ARHGAP15: variants seen among roughly 807,000 people sequenced by gnomAD.
ARHGAP15 encodes the protein Rho GTPase activating protein 15, also known as rho GTPase-activating protein 15.
ARHGAP15 carries 51 observed loss-of-function variants against 63.7 expected under a neutral mutation model. That is an observed-to-expected ratio of 0.80 (90% CI 0.64 to 1.01). The LOEUF (loss-of-function observed/expected upper bound fraction) is 1.01. Among genes scored for constraint, ARHGAP15 ranks in the 50% least tolerant of loss-of-function variants. The pLI is 0.00. For synonymous variants in ARHGAP15, 191 were observed against 193.8 expected, an observed-to-expected ratio of 0.99 and a Z score of 0.12; for missense variants, 560 against 564.6, an observed-to-expected ratio of 0.99 and a Z score of 0.08.
At chr2:143,367,714 A>G (rs1686355936) in intron 6 of ARHGAP15, among the ~76,000 whole-genome samples, 2 of 151,838 alleles carry the variant, frequency 1.3e-5, no homozygotes, top group African/African-American at 2.4e-5. Context: ...ATATCCCTTC[A>G]TATCTGTAAT....
Position 143,609,690 on chromosome 2 carries a change from C to G in ARHGAP15, c.1004-14443C>G, listed in dbSNP as rs79244736. On this transcript the variant is annotated intron_variant, in intron 11 of 13. Transcript: ENST00000295095. ...GTTTGTAATCTTCTCTTTGCCCCCCCACCTCATACCCATTCTCCACTCTTC... is the reference window on the plus strand; with the variant it reads ...GTTTGTAATCTTCTCTTTGCCCCCCGACCTCATACCCATTCTCCACTCTTC... Among the ~76,000 whole-genome samples the G allele has an allele frequency of 5.4e-3, 819 of 152,234 alleles. 7 individuals carry two copies. The highest frequency in any genetic ancestry group is 0.048 in the East Asian group (249 of 5,180).
chr2:143,262,284 C>G (rs13427809), intron 6 of ARHGAP15, among the ~76,000 whole-genome samples: 2 of 152,066 alleles, frequency 1.3e-5, no homozygotes, highest in Admixed American at 1.3e-4. Flanking sequence ...TAATCTGTTG[C>G]CATGTCTTCA....
chr2:143,750,609 C>G (rs1686336150), intron 13 of ARHGAP15, among the ~76,000 whole-genome samples: 3 of 152,120 alleles, frequency 2.0e-5, no homozygotes, highest in Admixed American at 2.0e-4. Flanking sequence ...CAGTCAGTAC[C>G]TATAGAACTA....
At chr2:143,681,073 T>C (rs570434788) in intron 12 of ARHGAP15, among the ~76,000 whole-genome samples, 2 of 152,296 alleles carry the variant, frequency 1.3e-5, no homozygotes, top group East Asian at 3.9e-4. Context: ...TGCACACCTT[T>C]CGAAGGAGCA....
intron 11 of ARHGAP15, among the ~76,000 whole-genome samples, chr2:143,564,583 G>C (rs1696148141): frequency 6.6e-6 from 1 of 152,124 alleles, no homozygotes; most frequent in Non-Finnish European, 1.5e-5. Flanking sequence ...CTGGCTCTCT[G>C]GTGGAGACAT....
chr2:143,588,990 G>A (rs1377402449), intron 11 of ARHGAP15, among the ~76,000 whole-genome samples: 1 of 151,962 alleles, frequency 6.6e-6, no homozygotes, highest in African/African-American at 2.4e-5. Context: ...CTTCCCTTTT[G>A]CTGATTCCTC....
intron 12 of ARHGAP15, among the ~76,000 whole-genome samples, chr2:143,655,262 C>T (rs1681377000): frequency 1.3e-5 from 2 of 151,954 alleles, no homozygotes; most frequent in Admixed American, 1.3e-4. Context: ...TCCCTCGACC[C>T]CCTCCCACTC....
intron 5 of ARHGAP15, among the ~76,000 whole-genome samples, chr2:143,232,227 A>G (rs1375299091): frequency 6.6e-6 from 1 of 152,216 alleles, no homozygotes; most frequent in East Asian, 1.9e-4. Context: ...TACTATCATC[A>G]GCATTTTATA....
chr2:143,378,780 G>A (rs935580258), intron 6 of ARHGAP15, among the ~76,000 whole-genome samples: 6 of 152,096 alleles, frequency 3.9e-5, no homozygotes, highest in Admixed American at 3.3e-4. Context: ...GGAAAATGGA[G>A]AAGTCAAAGA....
chr2:143,573,013 A>G (rs903213228), intron 11 of ARHGAP15, among the ~76,000 whole-genome samples: 1 of 152,140 alleles, frequency 6.6e-6, no homozygotes, highest in Non-Finnish European at 1.5e-5. Flanking sequence ...TCTTTATTCC[A>G]TCTTGTGTGT....
intron 6 of ARHGAP15, among the ~76,000 whole-genome samples, chr2:143,262,454 C>G (rs78109265): frequency 6.6e-6 from 1 of 151,734 alleles, no homozygotes; most frequent in Non-Finnish European, 1.5e-5. Flanking sequence ...TTTCCTCATC[C>G]TCAGCCAGGA....
intron 6 of ARHGAP15, among the ~76,000 whole-genome samples, chr2:143,416,379 AGGTCCTGGGG>A (rs1392456909): frequency 1.3e-5 from 2 of 152,198 alleles, no homozygotes; most frequent in African/African-American, 4.8e-5. Context: ...ACTGAATTAA[AGGTCCTGGGG>A]ACCCTGCAAG....
chr2:143,312,726 T>C (rs1252891851), intron 6 of ARHGAP15, among the ~76,000 whole-genome samples: 1 of 152,186 alleles, frequency 6.6e-6, no homozygotes, highest in Non-Finnish European at 1.5e-5. Context: ...TGTTCTGACT[T>C]TGACAGGCTA....
intron 11 of ARHGAP15, among the ~76,000 whole-genome samples, chr2:143,584,606 A>G (rs545037254): frequency 1.3e-5 from 2 of 152,268 alleles, no homozygotes; most frequent in Admixed American, 1.3e-4. Context: ...AGTCTGGGCA[A>G]CAGAACAAGA....
At chr2:143,573,373 A>T (rs1574651170) in intron 11 of ARHGAP15, among the ~76,000 whole-genome samples, 1 of 152,172 alleles carries the variant, frequency 6.6e-6, no homozygotes, top group East Asian at 1.9e-4. Context: ...ACTCCCAAAT[A>T]TGTTCCACTC....
Position 143,703,444 on chromosome 2 carries a change from T to C in ARHGAP15, c.1164T>C (p.Ile388=). ...AIKKQDNNTR[I]EAVKSLVQKL... ...AAAAGCAAGACAACAACACAAGAAT[T>C]GAAGCTGTAAAATCTCTTGTACAAA... The change falls in exon 13 of 14, where the codon ATT becomes ATC. Residue 388 remains isoleucine (I), a synonymous_variant. Transcript: ENST00000295095. 6.2e-7 allele frequency: 1 copy of C among 1,611,200 alleles called. No homozygotes were observed. Among genetic ancestry groups the C allele is most frequent in the Non-Finnish European group, 8.5e-7 (1 of 1,179,080 alleles).
At chr2:143,240,733 G>A (rs1454621524) in intron 5 of ARHGAP15, among the ~76,000 whole-genome samples, 1 of 152,098 alleles carries the variant, frequency 6.6e-6, no homozygotes, top group Non-Finnish European at 1.5e-5. Context: ...GGAGGATAAT[G>A]GGTAGAGATG....
intron 12 of ARHGAP15, among the ~76,000 whole-genome samples, chr2:143,667,355 G>A (rs1160087151): frequency 7.1e-6 from 1 of 141,456 alleles, no homozygotes; most frequent in Non-Finnish European, 1.5e-5. Flanking sequence ...TCACTCATAG[G>A]TGGGAATTGA....
chr2:143,733,391 C>G (rs551720729), intron 13 of ARHGAP15, among the ~76,000 whole-genome samples: 2 of 152,244 alleles, frequency 1.3e-5, no homozygotes, highest in African/African-American at 4.8e-5. Context: ...TTTCCAGATG[C>G]ATATGTAGCA....
Sources: gnomAD v4.1 joint callset for allele counts (sites outside exome capture counted in the v4.1 genomes callset) on GRCh38, gnomAD v4.1.1 for gene constraint, MANE v1.5 for transcripts, NCBI Gene and HGNC (gene_info 2026-07-23, HGNC 2026-07-21) for gene names.